Variants in DRGX observed in about 807,000 individuals in gnomAD.
The protein encoded by DRGX is dorsal root ganglia homeobox protein.
DRGX carries 21 observed loss-of-function variants against 28.6 expected under a neutral mutation model. That is an observed-to-expected ratio of 0.73 (90% CI 0.52 to 1.06). The LOEUF is 1.06. Ranked by LOEUF, DRGX falls within the 50% of genes least tolerant of loss-of-function variation. The probability of loss-of-function intolerance (pLI) is 0.00; values close to 1 mark genes in which losing one functional copy is unlikely to be tolerated. For missense variants in DRGX, 354 were observed against 343.9 expected (o/e 1.03, Z -0.23); for synonymous variants, 136 against 139.1 (o/e 0.98, Z 0.16).
In DRGX at chr10:49,390,245, G is replaced by GA. The variant is rs1370903897; in HGVS notation, c.133-12dup. The GA allele has an allele frequency of 1.2e-6, 2 of 1,600,064 alleles. No homozygotes were observed. Among genetic ancestry groups the GA allele is most frequent in the Middle Eastern group, 1.7e-4 (1 of 6,044 alleles). On this transcript the variant is annotated splice_polypyrimidine_tract_variant and intron_variant, in intron 3 of 6. Transcript: ENST00000374139. ...CTCGAGAGCTTCCAGCTGGTAAAAGGAAAAAATATGTACTGGTGAGAGGCT... is the reference window on the plus strand; with the variant it reads ...CTCGAGAGCTTCCAGCTGGTAAAAGGAAAAAAATATGTACTGGTGAGAGGCT...
At position 49,370,930 on chromosome 10, in the gene DRGX, G is replaced by C. The variant is rs566765108; in HGVS notation, c.527-4549C>G. ...GGCAGAACCTGCAGAAAAAGGGAGG[G>C]TAAAGTCCTTCTCTCTTGTGTGATG... On this transcript the variant is annotated intron_variant, in intron 6 of 6. Transcript: ENST00000374139. Among the ~76,000 whole-genome samples the C allele has an allele frequency of 2.0e-5, 3 of 152,172 alleles. No individual in the cohort carries two copies. The East Asian group carries it at 5.8e-4, about 29-fold the overall frequency.
chr10:49,388,471 T>G (rs1849864671), intron 4 of DRGX, among the ~76,000 whole-genome samples: 1 of 152,262 alleles, frequency 6.6e-6, no homozygotes, highest in Non-Finnish European at 1.5e-5. Flanking sequence ...TTTCTTTCTT[T>G]CTTTTCTAAT....
chr10:49,389,061 G>A (rs534768369), intron 4 of DRGX, among the ~76,000 whole-genome samples: 2 of 152,168 alleles, frequency 1.3e-5, no homozygotes, highest in Non-Finnish European at 2.9e-5. Context: ...GCAGCTATTG[G>A]CAAGCTGGCA....
At chr10:49,380,539 T>C (rs946319568) in intron 6 of DRGX, among the ~76,000 whole-genome samples, 18 of 152,164 alleles carry the variant, frequency 1.2e-4, no homozygotes, top group Non-Finnish European at 1.0e-4. Context: ...AGGAGTAGGG[T>C]TCCTGCTCTC....
At position 49,395,486 on chromosome 10, in the gene DRGX, CA is replaced by C; in HGVS notation, c.-47del. On this transcript the variant is annotated 5_prime_UTR_variant, in exon 2 of 7. Transcript: ENST00000374139. Reference sequence around the variant, plus strand: ...GGACGGCCGAGACCTGGGAGGGTGGCAGCAGAACGGACCCGCGCGCGTTGCT... The same window carrying C: ...GGACGGCCGAGACCTGGGAGGGTGGCGCAGAACGGACCCGCGCGCGTTGCT... 6.5e-7 allele frequency: 1 copy of C among 1,547,866 alleles called. No homozygotes were observed.
At chr10:49,392,200 G>T (rs953706251) in intron 2 of DRGX, among the ~76,000 whole-genome samples, 5 of 152,214 alleles carry the variant, frequency 3.3e-5, no homozygotes, top group African/African-American at 1.2e-4. Flanking sequence ...ACCTGCCATG[G>T]GCTCTGTTCT....
chr10:49,379,284 G>T (rs935696173), intron 6 of DRGX, among the ~76,000 whole-genome samples: 3 of 152,172 alleles, frequency 2.0e-5, no homozygotes, highest in Non-Finnish European at 4.4e-5. Context: ...GTAAAACGAG[G>T]CACATGGAGT....
At position 49,365,997 on chromosome 10, in the gene DRGX, C is replaced by T; in HGVS notation, c.*119G>A. The T allele has an allele frequency of 7.8e-7, 1 of 1,283,466 alleles. No individual in the cohort carries two copies. Among genetic ancestry groups the T allele is most frequent in the Non-Finnish European group, 1.0e-6 (1 of 969,260 alleles). 79.5% of individuals were successfully genotyped at this position (1,283,466 alleles called of 1,614,324 possible). A position where few individuals can be genotyped will look rare whatever the true frequency, so the allele number is the denominator to read the frequency against. ...TGGGTCTCACTTGCCCGTCCTGGGTCCATGCAGAGGCCCTGGGGCCGCAGG... is the reference window on the plus strand; with the variant it reads ...TGGGTCTCACTTGCCCGTCCTGGGTTCATGCAGAGGCCCTGGGGCCGCAGG... On this transcript the variant is annotated 3_prime_UTR_variant, in exon 7 of 7. Transcript: ENST00000374139.
At chr10:49,385,131 C>T (rs1489395359) in intron 6 of DRGX, among the ~76,000 whole-genome samples, 2 of 152,280 alleles carry the variant, frequency 1.3e-5, no homozygotes, top group Admixed American at 6.5e-5. Flanking sequence ...TAAATATGTC[C>T]CAATGTTGCT....
intron 2 of DRGX, among the ~76,000 whole-genome samples, chr10:49,394,480 C>A (rs1236033098): frequency 6.6e-6 from 1 of 152,174 alleles, no homozygotes; most frequent in Non-Finnish European, 1.5e-5. Context: ...GCCAGTCCGA[C>A]GGTTACAAAA....
chr10:49,391,276 C>T lies in DRGX; in HGVS notation c.35-15G>A, dbSNP rs1244807998. On this transcript the variant is annotated splice_polypyrimidine_tract_variant and intron_variant, in intron 2 of 6. Transcript: ENST00000374139. ...GGTTGCAGTGCCTACCAAGAGCAAA[C>T]TGATCAACCTGGGCAGGAAGGGGCC... The T allele has an allele frequency of 1.2e-6, 2 of 1,604,552 alleles. No individual in the cohort carries two copies. The highest frequency in any genetic ancestry group is 2.2e-5 in the East Asian group (1 of 44,504).
chr10:49,374,616 C>T (rs1038039846), intron 6 of DRGX, among the ~76,000 whole-genome samples: 3 of 152,186 alleles, frequency 2.0e-5, no homozygotes, highest in African/African-American at 4.8e-5. Flanking sequence ...TTGATCTAAT[C>T]GGCCTCCATT....
At chr10:49,386,373 A>G in intron 6 of DRGX, 105 bp downstream of exon 6, 1 of 1,002,000 alleles carries the variant, frequency 1.0e-6, no homozygotes. Flanking sequence ...AGGAAGCTGC[A>G]CAGGCCCAGG....
chr10:49,375,838 A>G (rs1378688678), intron 6 of DRGX, among the ~76,000 whole-genome samples: 4 of 151,256 alleles, frequency 2.6e-5, no homozygotes, highest in Non-Finnish European at 5.9e-5. Flanking sequence ...AATTCACACA[A>G]CCCTCCCTCC....
chr10:49,387,662 CA>C (rs11309652), intron 4 of DRGX, among the ~76,000 whole-genome samples: 56,275 of 119,102 alleles, frequency 0.47, 11,817 homozygotes, highest in South Asian at 0.63. Context: ...GACTCCATCA[CA>C]AAAAAAAAAA....
chr10:49,387,612 G>A (rs1291918565), intron 4 of DRGX, among the ~76,000 whole-genome samples: 4 of 149,354 alleles, frequency 2.7e-5, no homozygotes, highest in African/African-American at 7.4e-5. Context: ...GCAGTGAGCC[G>A]AGATCATGCC....
At position 49,366,359 on chromosome 10, in the gene DRGX, G is replaced by A. The variant is rs369280603; in HGVS notation, c.549C>T (p.Cys183=). 4.2e-5 allele frequency: 67 copies of A among 1,608,764 alleles called. No homozygotes were observed. Among genetic ancestry groups the A allele is most frequent in the Admixed American group, 8.4e-5 (5 of 59,696 alleles). The part of the protein sequence containing the change: ...SLKGGPLCSC[C]VPDPMGLSFL... ...AGGAGAGTCCCATGGGGTCTGGGAC[G>A]CAGCAAGAGCACAGTGGGCCCCCTG... Residue 183 remains cysteine, a synonymous_variant, in exon 7 of 7, where the codon TGC becomes TGT. Coordinates refer to ENST00000374139, the MANE Select transcript of DRGX (RefSeq NM_001276451.2).
chr10:49,370,925 G>A (rs1849652317), intron 6 of DRGX, among the ~76,000 whole-genome samples: 1 of 152,184 alleles, frequency 6.6e-6, no homozygotes, highest in South Asian at 2.1e-4. Flanking sequence ...GCAGAAAAAG[G>A]GAGGGTAAAG....
chr10:49,392,803 A>T (rs1849924531), intron 2 of DRGX, among the ~76,000 whole-genome samples: 1 of 152,258 alleles, frequency 6.6e-6, no homozygotes, highest in Admixed American at 6.5e-5. Context: ...CTTAAAAATA[A>T]GTAGAATAGT....
Sources: allele counts gnomAD v4.1 joint callset (sites outside exome capture counted in the v4.1 genomes callset), GRCh38; gene constraint gnomAD v4.1.1; transcripts MANE v1.5; gene names NCBI Gene and HGNC (gene_info 2026-07-23, HGNC 2026-07-21).